The following SEMA3E variants were observed in gnomAD, a reference collection of about 807,000 sequenced individuals.
SEMA3E encodes the protein semaphorin-3E.
A neutral mutation model predicts 93.6 loss-of-function variants in SEMA3E; 49 were observed. That is an observed-to-expected ratio of 0.52 (90% CI 0.42 to 0.66). The LOEUF (loss-of-function observed/expected upper bound fraction) is 0.66, where lower values mean the gene tolerates loss of function less well. Ranked by LOEUF, SEMA3E falls within the 30% of genes least tolerant of loss-of-function variation. The pLI, the probability that SEMA3E is intolerant of heterozygous loss-of-function variation, is 0.00. For synonymous variants in SEMA3E, 363 were observed against 330.7 expected, an observed-to-expected ratio of 1.10 and a Z score of -1.06; for missense variants, 906 against 964.8, an observed-to-expected ratio of 0.94 and a Z score of 0.81.
chr7:83,435,796 T>C (rs1301539872), intron 4 of SEMA3E, among the ~76,000 whole-genome samples: 1 of 152,224 alleles, frequency 6.6e-6, no homozygotes, highest in Non-Finnish European at 1.5e-5. Context: ...TTTCGTGATG[T>C]AAAATTCCAT....
At chr7:83,580,994 G>A (rs1391756807) in intron 1 of SEMA3E, among the ~76,000 whole-genome samples, 2 of 151,660 alleles carry the variant, frequency 1.3e-5, no homozygotes, top group Non-Finnish European at 2.9e-5. Flanking sequence ...TAAAAACAAG[G>A]GTAAATTAAT....
At chr7:83,472,301 C>T (rs1229954630) in intron 2 of SEMA3E, among the ~76,000 whole-genome samples, 1 of 152,110 alleles carries the variant, frequency 6.6e-6, no homozygotes, top group Non-Finnish European at 1.5e-5. Context: ...TTAATCCTTA[C>T]CACAACTTTA....
rs752726760 is a variant in SEMA3E at position 83,648,489 on chromosome 7, C to T, written c.54G>A (p.Glu18=). The change falls in exon 1 of 17, where the codon GAG becomes GAA. Residue 18 remains glutamate (E), a synonymous_variant. Coordinates refer to ENST00000643230, the MANE Select transcript of SEMA3E (RefSeq NM_012431.3). The part of the protein sequence containing the change: ...ITLLLWGYLL[E]LWTGGHTADT... ...CAGCTGTATGACCTCCTGTCCAAAG[C>T]TCCAGTAAGTAACCCCACAGGAGCA... 1.9e-6 allele frequency: 3 copies of T among 1,612,908 alleles called. No homozygotes were observed. The South Asian group carries it at 3.3e-5, about 18-fold the overall frequency.
Position 83,363,952 on chromosome 7 carries a change from T to C in SEMA3E, c.*3634A>G, listed in dbSNP as rs1794626009. The C allele has an allele frequency of 7.5e-6, 1 of 132,494 alleles. No individual in the cohort carries two copies. The highest frequency in any genetic ancestry group is 2.5e-4 in the East Asian group (1 of 4,042). 8.2% of individuals were successfully genotyped at this position (132,494 alleles called of 1,614,324 possible). ...GCCCAGGCCGGACTGCGGACTGCAG[T>C]GGCGCAATCTCGGCTCACTGCAAGC... On this transcript the variant is annotated 3_prime_UTR_variant, in exon 17 of 17. Transcript: ENST00000643230.
At chr7:83,628,024 T>A (rs1457585998) in intron 1 of SEMA3E, among the ~76,000 whole-genome samples, 1 of 152,156 alleles carries the variant, frequency 6.6e-6, no homozygotes, top group African/African-American at 2.4e-5. Flanking sequence ...AGTGACAAAA[T>A]CCCTCAGCAT....
intron 4 of SEMA3E, among the ~76,000 whole-genome samples, chr7:83,432,297 A>G (rs2115749157): frequency 6.6e-6 from 1 of 152,110 alleles, no homozygotes; most frequent in Middle Eastern, 3.4e-3. Flanking sequence ...GTGTGGCAAT[A>G]GAGCATGGTT....
At position 83,570,119 on chromosome 7, in the gene SEMA3E, A is replaced by C. The variant is rs528005487; in HGVS notation, c.115+78309T>G. 2.0e-5 allele frequency among the ~76,000 whole-genome samples: 3 copies of C among 152,332 alleles called. No homozygotes were observed. The East Asian group carries it at 5.8e-4, about 29-fold the overall frequency. On this transcript the variant is annotated intron_variant, in intron 1 of 16. Transcript: ENST00000643230. ...AACTTAAAAATTTACTCCTGAATAA[A>C]TCTTGGGTCAACAAGAAAACTAAGG...
chr7:83,472,385 A>T, intron 2 of SEMA3E, among the ~76,000 whole-genome samples: 1 of 151,300 alleles, frequency 6.6e-6, no homozygotes, highest in Admixed American at 6.6e-5. Context: ...CACTGCAATA[A>T]ATATATGGGT....
At chr7:83,605,616 G>T (rs528726164) in intron 1 of SEMA3E, among the ~76,000 whole-genome samples, 1 of 152,114 alleles carries the variant, frequency 6.6e-6, no homozygotes, top group Non-Finnish European at 1.5e-5. Flanking sequence ...TTTTAGTAGA[G>T]TTGGGGTTTC....
At chr7:83,529,512 C>G (rs1418044101) in intron 1 of SEMA3E, among the ~76,000 whole-genome samples, 1 of 152,078 alleles carries the variant, frequency 6.6e-6, no homozygotes, top group East Asian at 1.9e-4. Flanking sequence ...ATCTTGACTT[C>G]CAAAAAATTT....
In SEMA3E at chr7:83,458,862, TATG is replaced by T. The variant is rs903463737; in HGVS notation, c.456+7617_456+7619del. On this transcript the variant is annotated intron_variant, in intron 4 of 16. Coordinates refer to ENST00000643230, the MANE Select transcript of SEMA3E (RefSeq NM_012431.3). ...ATATATTTTTCTTTTTTGTTATATA[TATG>T]ATTATATGTTATATATAATAATATA... Among the ~76,000 whole-genome samples, 26 of 147,296 alleles carry T rather than the reference TATG, an allele frequency of 1.8e-4. 1 individual carries two copies. The South Asian group carries it at 2.1e-3, about 12-fold the overall frequency.
intron 1 of SEMA3E, among the ~76,000 whole-genome samples, chr7:83,531,622 G>A (rs1345740169): frequency 6.6e-6 from 1 of 151,894 alleles, no homozygotes; most frequent in Non-Finnish European, 1.5e-5. Flanking sequence ...CAAAGTGCTG[G>A]GATTACAGGC....
chr7:83,536,357 G>A (rs1176393413), intron 1 of SEMA3E, among the ~76,000 whole-genome samples: 1 of 152,008 alleles, frequency 6.6e-6, no homozygotes, highest in Non-Finnish European at 1.5e-5. Context: ...CATGTCAAAT[G>A]TTAAGGCTTT....
chr7:83,379,865 G>A (rs1338602735), intron 16 of SEMA3E, among the ~76,000 whole-genome samples: 1 of 151,930 alleles, frequency 6.6e-6, no homozygotes, highest in African/African-American at 2.4e-5. Context: ...TACACAGTAA[G>A]TCATATTTAA....
intron 4 of SEMA3E, among the ~76,000 whole-genome samples, chr7:83,432,248 AG>A (rs1246280442): frequency 4.7e-5 from 7 of 149,656 alleles, no homozygotes; most frequent in African/African-American, 1.2e-4. Flanking sequence ...ATTAAAAAAT[AG>A]TTTTACACAA....
chr7:83,599,001 A>C (rs1257587032), intron 1 of SEMA3E, among the ~76,000 whole-genome samples: 2 of 152,212 alleles, frequency 1.3e-5, no homozygotes, highest in African/African-American at 4.8e-5. Flanking sequence ...TTTCATCGGC[A>C]AAACAGTTAA....
chr7:83,615,875 T>A (rs1368701931), intron 1 of SEMA3E, among the ~76,000 whole-genome samples: 1 of 152,116 alleles, frequency 6.6e-6, no homozygotes, highest in Non-Finnish European at 1.5e-5. Context: ...AGGGCTGTTG[T>A]GGAATCTCTC....
intron 1 of SEMA3E, among the ~76,000 whole-genome samples, chr7:83,621,517 A>T (rs568911517): frequency 6.6e-6 from 1 of 152,272 alleles, no homozygotes; most frequent in Non-Finnish European, 1.5e-5. Flanking sequence ...ATATGGAACT[A>T]AAAAAGAGCC....
chr7:83,381,002 G>T (rs568583084), intron 16 of SEMA3E, among the ~76,000 whole-genome samples: 1 of 152,042 alleles, frequency 6.6e-6, no homozygotes, highest in Admixed American at 6.6e-5. Context: ...ATTAAGAGTT[G>T]TTTTTAAGCA....
Sources: allele counts gnomAD v4.1 joint callset (sites outside exome capture counted in the v4.1 genomes callset), GRCh38; gene constraint gnomAD v4.1.1; transcripts MANE v1.5; gene names NCBI Gene and HGNC (gene_info 2026-07-23, HGNC 2026-07-21).